WIPF3: variants seen among roughly 807,000 people sequenced by gnomAD.
WIPF3 encodes WAS/WASL-interacting protein family member 3.
A neutral mutation model predicts 38.9 loss-of-function variants in WIPF3; 33 were observed. The ratio of observed to expected loss-of-function variants is 0.85; its 90% CI spans 0.64 to 1.14. The LOEUF is 1.14. WIPF3 is among the 50% of genes most tolerant of loss of function. The pLI is 0.00. For missense variants in WIPF3, 711 were observed against 652.5 expected, an observed-to-expected ratio of 1.09 and a Z score of -0.98; for synonymous variants, 324 against 269.3, an observed-to-expected ratio of 1.20 and a Z score of -1.99.
chr7:29,897,572 AAT>A (rs1230882427), intron 7 of WIPF3, among the ~76,000 whole-genome samples: 1 of 152,164 alleles, frequency 6.6e-6, no homozygotes, highest in Non-Finnish European at 1.5e-5. Flanking sequence ...CCTATTTTAA[AAT>A]AGAGTTACTT....
chr7:29,887,657 C>T (rs974213969), intron 5 of WIPF3, among the ~76,000 whole-genome samples: 3 of 152,218 alleles, frequency 2.0e-5, no homozygotes, highest in Admixed American at 2.0e-4. Flanking sequence ...CTACAGACAG[C>T]CCTTCCTGTT....
chr7:29,818,938 A>G (rs1216318750), intron 1 of WIPF3, among the ~76,000 whole-genome samples: 1 of 152,126 alleles, frequency 6.6e-6, no homozygotes, highest in Non-Finnish European at 1.5e-5. Context: ...TAGCATTAAA[A>G]CATCTTTGCA....
chr7:29,904,268 T>G lies in WIPF3; in HGVS notation c.1352-18T>G, dbSNP rs929613299. The G allele has an allele frequency of 6.8e-6, 11 of 1,613,242 alleles. No homozygotes were observed. Among genetic ancestry groups the G allele is most frequent in the African/African-American group, 1.3e-5 (1 of 74,880 alleles). ...TCCCTGGGCCAATAGATAATGAGATTGTTCTTTTTTCCTTCAGGCCGTACA... is the reference window on the plus strand; with the variant it reads ...TCCCTGGGCCAATAGATAATGAGATGGTTCTTTTTTCCTTCAGGCCGTACA... On this transcript the variant is annotated intron_variant, in intron 7 of 8. Coordinates refer to ENST00000242140, the MANE Select transcript of WIPF3 (RefSeq NM_001080529.3).
chr7:29,873,317 A>G (rs1175232411), intron 2 of WIPF3, among the ~76,000 whole-genome samples: 1 of 152,192 alleles, frequency 6.6e-6, no homozygotes, highest in East Asian at 1.9e-4. Flanking sequence ...GGCTGTGAAT[A>G]TTATTATAAT....
chr7:29,820,142 T>A (rs1369258406), intron 1 of WIPF3, among the ~76,000 whole-genome samples: 1 of 152,092 alleles, frequency 6.6e-6, no homozygotes, highest in African/African-American at 2.4e-5. Flanking sequence ...CCTTGAATAA[T>A]ATCCTATAGC....
chr7:29,829,417 C>T (rs1048182455), intron 1 of WIPF3, among the ~76,000 whole-genome samples: 27 of 151,952 alleles, frequency 1.8e-4, no homozygotes, highest in African/African-American at 6.5e-4. Flanking sequence ...CGGGGTTTCA[C>T]CATGTTGGCC....
intron 1 of WIPF3, among the ~76,000 whole-genome samples, chr7:29,817,137 A>G (rs1784468558): frequency 6.6e-6 from 1 of 152,152 alleles, no homozygotes; most frequent in African/African-American, 2.4e-5. Flanking sequence ...TTTAATTGCC[A>G]TATATGTTTC....
chr7:29,823,748 C>A lies in WIPF3; in HGVS notation c.-57-10920C>A, dbSNP rs1236105628. Among the ~76,000 whole-genome samples the A allele has an allele frequency of 6.6e-6, 1 of 152,128 alleles. No homozygotes were observed. The highest frequency in any genetic ancestry group is 1.5e-5 in the Non-Finnish European group (1 of 68,042). ...TATTGGTTTAGTGCCATCCCCTCAT[C>A]GTTGCTCTTGTGATGTTGAGTGAGT... On this transcript the variant is annotated intron_variant, in intron 1 of 8. Coordinates refer to ENST00000242140, the MANE Select transcript of WIPF3 (RefSeq NM_001080529.3). The surrounding 1 kb of genome is among the most constrained non-coding windows in gnomAD (Gnocchi z 4.0).
At chr7:29,866,918 A>T (rs187459105) in intron 2 of WIPF3, among the ~76,000 whole-genome samples, 1 of 152,330 alleles carries the variant, frequency 6.6e-6, no homozygotes, top group African/African-American at 2.4e-5. Context: ...AAGAAAGCCA[A>T]ACTTGCCTGT....
intron 2 of WIPF3, among the ~76,000 whole-genome samples, chr7:29,845,035 T>C (rs1313035232): frequency 6.6e-6 from 1 of 151,550 alleles, no homozygotes; most frequent in African/African-American, 2.4e-5. Context: ...CTTTCCTTTT[T>C]TTTTTTTTTC....
chr7:29,832,418 T>C (rs1293653348), intron 1 of WIPF3, among the ~76,000 whole-genome samples: 1 of 152,204 alleles, frequency 6.6e-6, no homozygotes, highest in Non-Finnish European at 1.5e-5. Flanking sequence ...GCACCATTAG[T>C]TTAGTTTTGG....
intron 2 of WIPF3, among the ~76,000 whole-genome samples, chr7:29,843,726 G>T (rs748974896): frequency 2.6e-5 from 4 of 152,150 alleles, no homozygotes; most frequent in Non-Finnish European, 5.9e-5. Context: ...CCATCGTTGG[G>T]AGGCTGGGAT....
chr7:29,884,100 C>T lies in WIPF3; in HGVS notation c.606C>T (p.Ser202=), dbSNP rs1785790256. 6.7e-7 allele frequency: 1 copy of T among 1,500,048 alleles called. No individual in the cohort carries two copies. Among genetic ancestry groups the T allele is most frequent in the Non-Finnish European group, 8.9e-7 (1 of 1,119,824 alleles). The allele number at this position is 1,500,048 out of a possible 1,614,324, so 92.9% of individuals were successfully genotyped here. ...SSSPIKTPLV[S]PPGPLTKGNL... is the part of the protein sequence containing the mutation. ...CCCCCATCAAAACTCCGCTTGTGTC[C>T]CCACCCGGCCCACTGACCAAAGGGA... The change falls in exon 5 of 9, where the codon TCC becomes TCT. Residue 202 remains serine, a synonymous_variant. Coordinates refer to ENST00000242140, the MANE Select transcript of WIPF3 (RefSeq NM_001080529.3).
Position 29,884,525 on chromosome 7 carries a change from C to A in WIPF3, c.1031C>A (p.Ala344Asp), listed in dbSNP as rs746130389. The change falls in exon 5 of 9, where the codon GCC becomes GAC. Residue 344 changes from alanine to aspartate, a missense_variant. Transcript: ENST00000242140. ...QAPPQKAGAQ[A>D]LPAPPAPPGS... ...CCACCGCAGAAGGCCGGTGCGCAGG[C>A]CTTGCCCGCCCCGCCTGCCCCTCCG... 1.3e-6 allele frequency: 2 copies of A among 1,581,796 alleles called. No homozygotes were observed. The highest frequency in any genetic ancestry group is 3.6e-5 in the Admixed American group (2 of 55,722).
intron 1 of WIPF3, among the ~76,000 whole-genome samples, chr7:29,830,814 G>C (rs1219200504): frequency 2.6e-5 from 4 of 152,150 alleles, no homozygotes; most frequent in Admixed American, 2.6e-4. Flanking sequence ...AAATGTCTTA[G>C]AAGTCCCCAG....
chr7:29,889,804 A>T (rs11773072), intron 7 of WIPF3, among the ~76,000 whole-genome samples: 25,197 of 152,156 alleles, frequency 0.17, 2,221 homozygotes, highest in African/African-American at 0.21. Flanking sequence ...TGACATGGAG[A>T]ATGTCCTCAG....
chr7:29,871,761 G>A (rs1366629070), intron 2 of WIPF3, among the ~76,000 whole-genome samples: 1 of 152,066 alleles, frequency 6.6e-6, no homozygotes, highest in Non-Finnish European at 1.5e-5. Flanking sequence ...AGGCCCCTCC[G>A]TATTTTTTTT....
chr7:29,908,032 G>A (rs1786432274), intron 8 of WIPF3, among the ~76,000 whole-genome samples: 1 of 152,090 alleles, frequency 6.6e-6, no homozygotes, highest in Non-Finnish European at 1.5e-5. Flanking sequence ...AAATGCAAAC[G>A]GATTAAACTT....
intron 2 of WIPF3, among the ~76,000 whole-genome samples, chr7:29,839,436 G>A (rs538243587): frequency 1.3e-5 from 2 of 152,336 alleles, no homozygotes; most frequent in Non-Finnish European, 2.9e-5. Context: ...AAAGGGGAAA[G>A]TGTCTCTTTA....
Sources: allele counts gnomAD v4.1 joint callset (sites outside exome capture counted in the v4.1 genomes callset), GRCh38; gene constraint gnomAD v4.1.1; non-coding constraint Gnocchi (gnomAD v3.1); transcripts MANE v1.5; gene names NCBI Gene and HGNC (gene_info 2026-07-23, HGNC 2026-07-21).